NHSL2: variants seen among roughly 807,000 people sequenced by gnomAD.
NHSL2 encodes the protein NHS-like protein 2.
Under a neutral mutation model 53.4 loss-of-function variants are expected in NHSL2, and 27 were observed. The observed-to-expected ratio is 0.51, with a 90% CI of 0.37 to 0.70. The LOEUF (loss-of-function observed/expected upper bound fraction) is 0.70, where lower values mean the gene tolerates loss of function less well. NHSL2 is among the 30% of genes least tolerant of loss of function. NHSL2 has a pLI of 0.00. For missense variants in NHSL2, 892 were observed against 980.1 expected, an observed-to-expected ratio of 0.91 and a Z score of 1.20; for synonymous variants, 408 against 404.1, an observed-to-expected ratio of 1.01 and a Z score of -0.12.
chrX:72,012,700 G>A (rs1207962122), intron 1 of NHSL2, among the ~76,000 whole-genome samples: 1 of 112,672 alleles, frequency 8.9e-6, no homozygotes, highest in African/African-American at 3.2e-5. Context: ...GGACGTAGAC[G>A]TATCTTTTGG....
At chrX:72,072,916 G>C (rs1338528525) in intron 1 of NHSL2, among the ~76,000 whole-genome samples, 1 of 111,474 alleles carries the variant, frequency 9.0e-6, no homozygotes, top group Non-Finnish European at 1.9e-5. Context: ...CTTGGGTTCC[G>C]GTCTCTCTTA....
chrX:72,087,240 C>T (rs930441266), intron 1 of NHSL2, among the ~76,000 whole-genome samples: 1 of 112,635 alleles, frequency 8.9e-6, no homozygotes, highest in Non-Finnish European at 1.9e-5. Context: ...TTATGCTAAC[C>T]GAAAGAAACC....
intron 1 of NHSL2, among the ~76,000 whole-genome samples, chrX:72,054,683 GC>G (rs1316871114): frequency 9.0e-6 from 1 of 111,604 alleles, no homozygotes; most frequent in African/African-American, 3.3e-5. Context: ...TTTAAATGAT[GC>G]TGCCAAATAT....
chrX:72,043,274 C>T (rs1297999393), intron 1 of NHSL2, among the ~76,000 whole-genome samples: 2 of 111,748 alleles, frequency 1.8e-5, no homozygotes, highest in Non-Finnish European at 3.8e-5. Flanking sequence ...GAAGACACTG[C>T]TTGAGGTCTC....
chrX:71,960,585 C>T (rs1380837903), intron 1 of NHSL2, among the ~76,000 whole-genome samples: 1 of 112,205 alleles, frequency 8.9e-6, no homozygotes, highest in East Asian at 2.8e-4. Context: ...CCAACTTTAT[C>T]CTTTTGCATG....
intron 1 of NHSL2, chrX:72,131,485 C>A (rs747956402): frequency 4.2e-6 from 5 of 1,204,774 alleles, no homozygotes; most frequent in Non-Finnish European, 5.6e-6. Context: ...TAATTCTTCG[C>A]GCAGGGCCAC....
intron 1 of NHSL2, among the ~76,000 whole-genome samples, chrX:72,029,117 A>G: frequency 9.0e-6 from 1 of 111,414 alleles, no homozygotes; most frequent in Non-Finnish European, 1.9e-5. Flanking sequence ...ATCCCCCAGG[A>G]GAAAAGGCCC....
At chrX:71,966,703 T>A (rs2041902460) in intron 1 of NHSL2, among the ~76,000 whole-genome samples, 1 of 111,809 alleles carries the variant, frequency 8.9e-6, no homozygotes, top group African/African-American at 3.2e-5. Flanking sequence ...TAATATTTTG[T>A]CGAGGATTTT....
chrX:72,049,021 G>A (rs189420536), intron 1 of NHSL2, among the ~76,000 whole-genome samples: 4,858 of 90,087 alleles, frequency 0.054, 265 homozygotes, highest in African/African-American at 0.19. Context: ...AAGAGGAAGA[G>A]GAAGAGGAAG....
rs1463944415 is a variant in NHSL2, at chrX:72,131,582, G to A, written c.281-497G>A. On this transcript the variant is annotated intron_variant, in intron 1 of 7. Transcript: ENST00000633930. The stretch of plus-strand genomic sequence containing the variant: ...GCCCTGGGGCTCCGTGGTGGGGAAA[G>A]GGGAACTGGAACTACGGGCGGCCGG... 5 of 1,129,756 alleles carry A rather than the reference G, an allele frequency of 4.4e-6. No homozygotes were observed. In the African/African-American group the frequency reaches 7.3e-5, roughly 17 times the overall value. 93.1% of individuals were successfully genotyped at this position (1,129,756 alleles called of 1,213,427 possible).
chrX:72,027,977 T>TGCTGCTGCTGCTGCTGCC (rs1186700903), intron 1 of NHSL2, among the ~76,000 whole-genome samples: 6 of 111,581 alleles, frequency 5.4e-5, no homozygotes, highest in Admixed American at 9.5e-5. Context: ...GTGTTGAGTT[T>TGCTGCTGCTGCTGCTGCC]GCTGCTGCTG....
intron 1 of NHSL2, among the ~76,000 whole-genome samples, chrX:72,041,948 G>A (rs1313287793): frequency 1.8e-5 from 2 of 112,037 alleles, no homozygotes; most frequent in Non-Finnish European, 3.8e-5. Flanking sequence ...AGCCACCCAC[G>A]CTGGATGCTG....
intron 1 of NHSL2, among the ~76,000 whole-genome samples, chrX:72,107,554 A>T (rs2042055591): frequency 9.0e-6 from 1 of 111,506 alleles, no homozygotes; most frequent in Admixed American, 9.5e-5. Context: ...ATGATAGATG[A>T]TGTCATTGCT....
intron 1 of NHSL2, among the ~76,000 whole-genome samples, chrX:72,059,306 T>C (rs1302847696): frequency 9.0e-6 from 1 of 110,814 alleles, no homozygotes; most frequent in Non-Finnish European, 1.9e-5. Flanking sequence ...TCCCGGCCCC[T>C]CTCCAATCAG....
At chrX:72,032,553 T>C (rs1339879864) in intron 1 of NHSL2, among the ~76,000 whole-genome samples, 1 of 111,850 alleles carries the variant, frequency 8.9e-6, no homozygotes, top group Non-Finnish European at 1.9e-5. Flanking sequence ...TATATGACTT[T>C]TTTAATTTCA....
chrX:72,055,561 A>T (rs2042364675), intron 1 of NHSL2, among the ~76,000 whole-genome samples: 1 of 112,181 alleles, frequency 8.9e-6, no homozygotes, highest in African/African-American at 3.2e-5. Flanking sequence ...AAGGTGGCTT[A>T]TAAGATACAT....
chrX:72,124,088 C>A (rs756841927), intron 1 of NHSL2, among the ~76,000 whole-genome samples: 2 of 111,613 alleles, frequency 1.8e-5, no homozygotes, highest in South Asian at 7.6e-4. Context: ...TTTCCCTAGT[C>A]TGGGCAGGAT....
intron 1 of NHSL2, among the ~76,000 whole-genome samples, chrX:72,085,030 T>C (rs2042048404): frequency 8.9e-6 from 1 of 112,159 alleles, no homozygotes. Context: ...AAGACCAGGT[T>C]TCCACAGCAC....
chrX:71,940,442 G>A (rs1204003709), intron 1 of NHSL2, among the ~76,000 whole-genome samples: 2 of 111,505 alleles, frequency 1.8e-5, no homozygotes, highest in Non-Finnish European at 3.8e-5. Flanking sequence ...ATGATTGCAG[G>A]TTATGGGAGA....
Sources: gnomAD v4.1 joint callset for allele counts (sites outside exome capture counted in the v4.1 genomes callset) on GRCh38, gnomAD v4.1.1 for gene constraint, MANE v1.5 for transcripts, NCBI Gene and HGNC (gene_info 2026-07-23, HGNC 2026-07-21) for gene names.